The following GLIS1 variants were observed in gnomAD, a reference collection of about 807,000 sequenced individuals.
GLIS1 encodes the protein GLIS family zinc finger 1.
Under a neutral mutation model 63.8 loss-of-function variants are expected in GLIS1, and 24 were observed. The ratio of observed to expected loss-of-function variants is 0.38; its 90% CI spans 0.27 to 0.53. GLIS1 has a LOEUF of 0.53. Among genes scored for constraint, GLIS1 ranks in the 20% least tolerant of loss-of-function variants. GLIS1 has a pLI of 0.85. For synonymous variants in GLIS1, 450 were observed against 482.5 expected (o/e 0.93, Z 0.88); for missense variants, 1,036 against 1,074.1 (o/e 0.96, Z 0.50).
intron 2 of GLIS1, among the ~76,000 whole-genome samples, chr1:53,702,736 G>A (rs969819620): frequency 6.7e-6 from 1 of 148,774 alleles, no homozygotes; most frequent in Non-Finnish European, 1.5e-5. Context: ...TCTGCCTTGG[G>A]ACCTCAGCCA....
intron 2 of GLIS1, among the ~76,000 whole-genome samples, chr1:53,699,732 G>A (rs1284137835): frequency 2.0e-5 from 3 of 152,114 alleles, no homozygotes; most frequent in African/African-American, 2.4e-5. Context: ...ATTGGTTTCC[G>A]GTGAGAGGTC....
chr1:53,666,523 T>G (rs1350342097), intron 2 of GLIS1, among the ~76,000 whole-genome samples: 3 of 152,138 alleles, frequency 2.0e-5, no homozygotes, highest in Non-Finnish European at 4.4e-5. Context: ...GAAGCAGCTC[T>G]CAGGTCCCTT....
chr1:53,721,324 C>A (rs1646752152), intron 2 of GLIS1, among the ~76,000 whole-genome samples: 1 of 152,168 alleles, frequency 6.6e-6, no homozygotes, highest in Non-Finnish European at 1.5e-5. Flanking sequence ...ACATTTATTT[C>A]TTCATCTGCA....
At chr1:53,632,627 TGTGA>T (rs1472119761) in intron 2 of GLIS1, among the ~76,000 whole-genome samples, 1 of 143,498 alleles carries the variant, frequency 7.0e-6, no homozygotes, top group Non-Finnish European at 1.5e-5. Flanking sequence ...CGGAGGGGCA[TGTGA>T]ATGAGTGTGA....
At chr1:53,635,777 T>C (rs910548714) in intron 2 of GLIS1, among the ~76,000 whole-genome samples, 3 of 152,218 alleles carry the variant, frequency 2.0e-5, no homozygotes, top group South Asian at 2.1e-4. Context: ...CAACACTTTA[T>C]GCTGCAGGCA....
At chr1:53,536,164 G>A (rs951147732) in intron 4 of GLIS1, among the ~76,000 whole-genome samples, 4 of 152,024 alleles carry the variant, frequency 2.6e-5, no homozygotes, top group African/African-American at 7.3e-5. Flanking sequence ...ACCTTCTGTC[G>A]AGGGTGGATT....
chr1:53,735,327 G>A (rs1329405335), intron 2 of GLIS1, among the ~76,000 whole-genome samples: 2 of 152,164 alleles, frequency 1.3e-5, no homozygotes, highest in Non-Finnish European at 2.9e-5. Context: ...GGCCCTGCAC[G>A]AATTAATAAA....
intron 2 of GLIS1, among the ~76,000 whole-genome samples, chr1:53,627,900 AC>A (rs1478777943): frequency 1.3e-5 from 2 of 151,974 alleles, no homozygotes; most frequent in Non-Finnish European, 2.9e-5. Flanking sequence ...ATGGATGAGG[AC>A]CCCAAGATGC....
chr1:53,716,031 A>G (rs1646695139), intron 2 of GLIS1, among the ~76,000 whole-genome samples: 1 of 152,190 alleles, frequency 6.6e-6, no homozygotes, highest in Non-Finnish European at 1.5e-5. Context: ...TCACTGCTGA[A>G]GCACAGTCTT....
At chr1:53,722,484 C>A (rs931548760) in intron 2 of GLIS1, among the ~76,000 whole-genome samples, 9 of 152,134 alleles carry the variant, frequency 5.9e-5, no homozygotes, top group Admixed American at 3.3e-4. Context: ...CTTTTTGGGC[C>A]TTCCAAATTT....
At chr1:53,679,262 G>A (rs556308696) in intron 2 of GLIS1, among the ~76,000 whole-genome samples, 1 of 152,352 alleles carries the variant, frequency 6.6e-6, no homozygotes, top group East Asian at 1.9e-4. Context: ...GCAGCTGCGT[G>A]ACTGTGGGAG....
chr1:53,591,568 T>G (rs1645193486), intron 4 of GLIS1, among the ~76,000 whole-genome samples: 2 of 152,268 alleles, frequency 1.3e-5, no homozygotes, highest in Admixed American at 1.3e-4. Context: ...TAACTGTTGT[T>G]ATTGTTTCCA....
chr1:53,520,859 G>T, intron 6 of GLIS1, 93 bp from the exon 7 acceptor site: 1 of 1,378,226 alleles, frequency 7.3e-7, no homozygotes, highest in Non-Finnish European at 9.7e-7. Context: ...AAGGACTGCA[G>T]CCCCAGGGCA....
chr1:53,720,956 C>T (rs1570102195), intron 2 of GLIS1, among the ~76,000 whole-genome samples: 2 of 151,696 alleles, frequency 1.3e-5, no homozygotes, highest in Non-Finnish European at 2.9e-5. Flanking sequence ...CGAGATCACG[C>T]CACTGCACTC....
intron 2 of GLIS1, among the ~76,000 whole-genome samples, chr1:53,691,224 G>A (rs925556781): frequency 1.3e-5 from 2 of 152,126 alleles, no homozygotes; most frequent in African/African-American, 4.8e-5. Flanking sequence ...AGGCTAGGGC[G>A]CACTCCCGCT....
intron 2 of GLIS1, among the ~76,000 whole-genome samples, chr1:53,710,936 G>C (rs1431594815): frequency 1.3e-5 from 2 of 151,826 alleles, no homozygotes; most frequent in African/African-American, 4.8e-5. Flanking sequence ...CCGAGCTGGA[G>C]GGGCTGACCA....
chr1:53,693,871 A>T (rs1415498531), intron 2 of GLIS1, among the ~76,000 whole-genome samples: 1 of 152,148 alleles, frequency 6.6e-6, no homozygotes, highest in Non-Finnish European at 1.5e-5. Context: ...GCTCAAAGTG[A>T]CCTTGATGAG....
chr1:53,508,515 C>T lies in GLIS1; in HGVS notation c.2230+605G>A, dbSNP rs544794064. Among the ~76,000 whole-genome samples the T allele has an allele frequency of 1.6e-3, 242 of 152,296 alleles. 3 individuals carry two copies. The highest frequency in any genetic ancestry group is 3.2e-3 in the Admixed American group (49 of 15,298). On this transcript the variant is annotated intron_variant, in intron 10 of 10. Coordinates refer to ENST00000628545, the MANE Select transcript of GLIS1 (RefSeq NM_001367484.1). ...TGGAGGAATTCAGGGAGGGTCTAGC[C>T]CCTCCCTTCTGATGCCCCTGCTCTG...
chr1:53,700,753 C>A (rs1006414558), intron 2 of GLIS1, among the ~76,000 whole-genome samples: 1 of 152,164 alleles, frequency 6.6e-6, no homozygotes, highest in Admixed American at 6.5e-5. Flanking sequence ...AAAAAGAAAC[C>A]TGTACCCATT....
Sources: gnomAD v4.1 joint callset for allele counts (sites outside exome capture counted in the v4.1 genomes callset) on GRCh38, gnomAD v4.1.1 for gene constraint, MANE v1.5 for transcripts, NCBI Gene and HGNC (gene_info 2026-07-23, HGNC 2026-07-21) for gene names.